Variants in PRDM16 observed in about 807,000 individuals in gnomAD.
PRDM16 encodes PR/SET domain 16.
In PRDM16, 23 loss-of-function variants were observed where a neutral mutation model predicts 110.6. The ratio of observed to expected loss-of-function variants is 0.21; its 90% confidence interval spans 0.15 to 0.29. The LOEUF (loss-of-function observed/expected upper bound fraction) is 0.29, where lower values mean the gene tolerates loss of function less well. Ranked by LOEUF, PRDM16 falls within the 10% of genes least tolerant of loss-of-function variation. The pLI is 1.00. For synonymous variants in PRDM16, 799 were observed against 781.8 expected (o/e 1.02, Z -0.37); for missense variants, 1,615 against 1,794.3 (o/e 0.90, Z 1.81).
At chr1:3,086,803 C>T (rs931721580) in intron 1 of PRDM16, among the ~76,000 whole-genome samples, 7 of 152,226 alleles carry the variant, frequency 4.6e-5, no homozygotes, top group Admixed American at 6.5e-5. Context: ...TGGAGCATGC[C>T]GTTAATTAGG....
At chr1:3,316,907 G>C (rs903356616) in intron 3 of PRDM16, among the ~76,000 whole-genome samples, 1 of 152,086 alleles carries the variant, frequency 6.6e-6, no homozygotes, top group Non-Finnish European at 1.5e-5. Context: ...AAGCCGATCA[G>C]AGTGTAGCTA....
chr1:3,100,374 A>G (rs958717629), intron 1 of PRDM16, among the ~76,000 whole-genome samples: 2 of 152,114 alleles, frequency 1.3e-5, no homozygotes, highest in African/African-American at 4.8e-5. Flanking sequence ...CCTCTCTTCC[A>G]GTGGGTGGCT....
intron 1 of PRDM16, among the ~76,000 whole-genome samples, chr1:3,156,128 T>C (rs731031): frequency 0.36 from 54,175 of 151,952 alleles, 11,475 homozygotes; most frequent in East Asian, 0.59. Context: ...TATCCCACCT[T>C]GCTAATATAT....
chr1:3,420,400 C>T (rs544400956), intron 12 of PRDM16, among the ~76,000 whole-genome samples: 10 of 152,240 alleles, frequency 6.6e-5, no homozygotes, highest in South Asian at 2.1e-4. Context: ...AGCCCCTTTC[C>T]GGTGCCAGCA....
At chr1:3,176,485 T>C (rs544685946) in intron 1 of PRDM16, among the ~76,000 whole-genome samples, 57 of 152,062 alleles carry the variant, frequency 3.7e-4, no homozygotes, top group African/African-American at 1.3e-3. Context: ...CCAGGCTGCA[T>C]CCATCCATCC....
At chr1:3,319,536 G>A (rs890784805) in intron 3 of PRDM16, among the ~76,000 whole-genome samples, 8 of 152,180 alleles carry the variant, frequency 5.3e-5, no homozygotes, top group African/African-American at 1.7e-4. Context: ...GGATTGAGAG[G>A]GGAGAGGCCC....
chr1:3,125,939 A>G (rs182926104), intron 1 of PRDM16, among the ~76,000 whole-genome samples: 3 of 152,190 alleles, frequency 2.0e-5, no homozygotes, highest in Non-Finnish European at 4.4e-5. Flanking sequence ...GAGGCCCGAG[A>G]GCAATTAACA....
At chr1:3,342,019 C>T (rs1223993849) in intron 3 of PRDM16, among the ~76,000 whole-genome samples, 2 of 152,216 alleles carry the variant, frequency 1.3e-5, no homozygotes, top group Non-Finnish European at 2.9e-5. Context: ...ATGGGAAAGA[C>T]CATGATTGAG....
intron 1 of PRDM16, among the ~76,000 whole-genome samples, chr1:3,129,463 A>ATGTGTG (rs149387082): frequency 6.6e-6 from 1 of 150,506 alleles, no homozygotes; most frequent in African/African-American, 2.4e-5. Flanking sequence ...CTGTGTGTGC[A>ATGTGTG]TGTGTGTGTG....
intron 1 of PRDM16, among the ~76,000 whole-genome samples, chr1:3,085,292 G>T (rs191393927): frequency 6.6e-6 from 1 of 152,188 alleles, no homozygotes; most frequent in Admixed American, 6.5e-5. Context: ...GGTGGCCTTC[G>T]CTTGCTGGGC....
In PRDM16 at chr1:3,359,781, C is replaced by CG. The variant is rs1344435190; in HGVS notation, c.439-25368dup. 2.6e-5 allele frequency among the ~76,000 whole-genome samples: 4 copies of CG among 152,128 alleles called. No homozygotes were observed. The highest frequency in any genetic ancestry group is 4.4e-5 in the Non-Finnish European group (3 of 68,028). On this transcript the variant is annotated intron_variant, in intron 3 of 16. Coordinates refer to ENST00000270722, the MANE Select transcript of PRDM16 (RefSeq NM_022114.4). The surrounding 1 kb of genome is among the most constrained non-coding windows in gnomAD (Gnocchi z 4.3). ...CCTCAGCGGCAGCCAGAAGGCAAGG[C>CG]GGGAAAAACGAGCCTGGCCTGAAAC...
rs1643599453 is a variant in PRDM16, at chr1:3,143,976, A to G, written c.38-42149A>G. Among the ~76,000 whole-genome samples the G allele has an allele frequency of 6.6e-6, 1 of 152,172 alleles. No individual in the cohort carries two copies. The highest frequency in any genetic ancestry group is 2.4e-5 in the African/African-American group (1 of 41,444). On this transcript the variant is annotated intron_variant, in intron 1 of 16. Coordinates refer to ENST00000270722, the MANE Select transcript of PRDM16 (RefSeq NM_022114.4). The surrounding 1 kb of genome is among the most constrained non-coding windows in gnomAD (Gnocchi z 4.5). ...TTTTGAGGCCAGGGGGAAGATGCTAAGGGGTCCTCTTTGCCGCCTGTGAAG... is the reference window on the plus strand; with the variant it reads ...TTTTGAGGCCAGGGGGAAGATGCTAGGGGGTCCTCTTTGCCGCCTGTGAAG...
At position 3,148,380 on chromosome 1, in the gene PRDM16, G is replaced by C. The variant is rs1034881338; in HGVS notation, c.38-37745G>C. Among the ~76,000 whole-genome samples, 2 of 152,148 alleles carry C rather than the reference G, an allele frequency of 1.3e-5. No individual in the cohort carries two copies. Among genetic ancestry groups the C allele is most frequent in the African/African-American group, 4.8e-5 (2 of 41,434 alleles). Reference sequence around the variant, plus strand: ...CAAACCCAGGAGCCAGGAGCTGCAGGAGGGCCAGTGGCCAGAGGTGAGGAA... The same window carrying C: ...CAAACCCAGGAGCCAGGAGCTGCAGCAGGGCCAGTGGCCAGAGGTGAGGAA... On this transcript the variant is annotated intron_variant, in intron 1 of 16. Coordinates refer to ENST00000270722, the MANE Select transcript of PRDM16 (RefSeq NM_022114.4). The surrounding 1 kb of genome is among the most constrained non-coding windows in gnomAD (Gnocchi z 5.0).
chr1:3,096,223 C>CT (rs2100607885), intron 1 of PRDM16, among the ~76,000 whole-genome samples: 1 of 152,276 alleles, frequency 6.6e-6, no homozygotes, highest in South Asian at 2.1e-4. Flanking sequence ...TATCTGCCTT[C>CT]TTTCCTGCCT....
intron 1 of PRDM16, among the ~76,000 whole-genome samples, chr1:3,106,244 G>A (rs942249609): frequency 4.6e-5 from 7 of 152,234 alleles, no homozygotes; most frequent in Admixed American, 1.3e-4. Context: ...AGAACACCTG[G>A]CAGGCAGTTC....
intron 3 of PRDM16, among the ~76,000 whole-genome samples, chr1:3,366,977 T>C (rs1642827086): frequency 6.6e-6 from 1 of 152,118 alleles, no homozygotes; most frequent in African/African-American, 2.4e-5. Flanking sequence ...CGGTTAAAGA[T>C]GGAGCAAGGG....
chr1:3,346,081 C>T (rs1173408550), intron 3 of PRDM16, among the ~76,000 whole-genome samples: 1 of 152,282 alleles, frequency 6.6e-6, no homozygotes, highest in African/African-American at 2.4e-5. Flanking sequence ...ACAATGTGGG[C>T]TTTGTGAGAC....
chr1:3,231,619 G>A (rs571016475), intron 2 of PRDM16, among the ~76,000 whole-genome samples: 2 of 152,266 alleles, frequency 1.3e-5, no homozygotes, highest in African/African-American at 2.4e-5. Context: ...GGCACCAGAA[G>A]GAAGGAAGGT....
chr1:3,092,264 A>T (rs1642295749), intron 1 of PRDM16, among the ~76,000 whole-genome samples: 1 of 152,110 alleles, frequency 6.6e-6, no homozygotes, highest in Non-Finnish European at 1.5e-5. Context: ...TCCTGCAGGG[A>T]GGTGCCAGGC....
Sources: allele counts gnomAD v4.1 joint callset (sites outside exome capture counted in the v4.1 genomes callset), GRCh38; gene constraint gnomAD v4.1.1; non-coding constraint Gnocchi (gnomAD v3.1); transcripts MANE v1.5; gene names NCBI Gene and HGNC (gene_info 2026-07-23, HGNC 2026-07-21).